PCDHGA3: variants seen among roughly 807,000 people sequenced by gnomAD.
PCDHGA3 encodes the protein protocadherin gamma-A3.
Under a neutral mutation model 58.5 loss-of-function variants are expected in PCDHGA3, and 40 were observed. That is an observed-to-expected ratio of 0.68 (90% CI 0.53 to 0.89). PCDHGA3 has a LOEUF of 0.89. PCDHGA3 is among the 40% of genes least tolerant of loss of function. The pLI is 0.00. For synonymous variants in PCDHGA3, 530 were observed against 525.7 expected, an observed-to-expected ratio of 1.01 and a Z score of -0.11; for missense variants, 1,223 against 1,195.9, an observed-to-expected ratio of 1.02 and a Z score of -0.33.
intron 1 of PCDHGA3, chr5:141,350,429 C>A: frequency 6.2e-7 from 1 of 1,609,800 alleles, no homozygotes; most frequent in Non-Finnish European, 8.5e-7. Context: ...GCTCAGTGTC[C>A]GGGAGTTGCC....
intron 1 of PCDHGA3, chr5:141,399,959 G>T (rs1257286209): frequency 6.2e-7 from 1 of 1,612,230 alleles, no homozygotes; most frequent in East Asian, 2.2e-5. Context: ...AGCGAGCCCG[G>T]GCTCTTCAGC....
intron 1 of PCDHGA3, chr5:141,415,947 C>G: frequency 1.9e-6 from 1 of 532,382 alleles, no homozygotes; most frequent in Non-Finnish European, 2.8e-6. Flanking sequence ...CCTGGGTGGT[C>G]ACATATTGAA....
At position 141,491,101 on chromosome 5, in the gene PCDHGA3, G is replaced by A. The variant is rs1270788252; in HGVS notation, c.2425-3706G>A. Reference sequence around the variant, plus strand: ...GTCCACAGCCCCAGGACTGTTCCTCGTGTCTACACACACTGGTGAGGTGCG... The same window carrying A: ...GTCCACAGCCCCAGGACTGTTCCTCATGTCTACACACACTGGTGAGGTGCG... On this transcript the variant is annotated intron_variant, in intron 1 of 3. Transcript: ENST00000253812. This position sits in a 1 kb window ranked among gnomAD's most constrained non-coding sequence, Gnocchi z 6.9. The A allele has an allele frequency of 8.1e-6, 13 of 1,614,102 alleles. No individual in the cohort carries two copies. In the East Asian group the frequency reaches 1.6e-4, roughly 19 times the overall value.
At chr5:141,346,623 C>T in intron 1 of PCDHGA3, 166 bp downstream of exon 1, 1 of 1,041,560 alleles carries the variant, frequency 9.6e-7, no homozygotes, top group East Asian at 2.6e-5. Context: ...GACTGCACTC[C>T]CCGGTCTGGT....
At chr5:141,387,304 T>C (rs1186076797) in intron 1 of PCDHGA3, among the ~76,000 whole-genome samples, 3 of 152,208 alleles carry the variant, frequency 2.0e-5, no homozygotes, top group Non-Finnish European at 4.4e-5. Context: ...ATCCAGTATA[T>C]TTCTAATGAG....
At chr5:141,503,089 G>C (rs1352372525) in intron 2 of PCDHGA3, among the ~76,000 whole-genome samples, 2 of 151,590 alleles carry the variant, frequency 1.3e-5, no homozygotes, top group Non-Finnish European at 2.9e-5. Context: ...TCCTGACCTC[G>C]TGGTCTGCCC....
At position 141,477,372 on chromosome 5, in the gene PCDHGA3, CTG is replaced by C; in HGVS notation, c.2425-17432_2425-17431del. On this transcript the variant is annotated intron_variant, in intron 1 of 3. Transcript: ENST00000253812. This position sits in a 1 kb window ranked among gnomAD's most constrained non-coding sequence, Gnocchi z 4.9. ...ACCAGTGCAGACCTGGATCGGGAGA[CTG>C]TGCCAGAATACAACCTCAGCATCAC... The C allele has an allele frequency of 6.2e-7, 1 of 1,614,154 alleles. No homozygotes were observed. The highest frequency in any genetic ancestry group is 8.5e-7 in the Non-Finnish European group (1 of 1,180,030).
chr5:141,491,500 G>A lies in PCDHGA3; in HGVS notation c.2425-3307G>A. ...CAGCCCCAACCTGCAGGTGAGCTCG[G>A]ACGGCACGCTCAAGTACATGGAGGT... On this transcript the variant is annotated intron_variant, in intron 1 of 3. Transcript: ENST00000253812. The surrounding 1 kb of genome is among the most constrained non-coding windows in gnomAD (Gnocchi z 6.9). 3 of 1,614,102 alleles carry A rather than the reference G, an allele frequency of 1.9e-6. No homozygotes were observed. The highest frequency in any genetic ancestry group is 2.7e-5 in the African/African-American group (2 of 75,066).
At chr5:141,412,441 G>C (rs1334085357) in intron 1 of PCDHGA3, 1 of 152,124 alleles carries the variant, frequency 6.6e-6, no homozygotes, top group African/African-American at 2.4e-5. Flanking sequence ...GTTAATTAAG[G>C]CTCAGTAAAA....
At chr5:141,368,499 G>C (rs1391228187) in intron 1 of PCDHGA3, among the ~76,000 whole-genome samples, 2 of 152,070 alleles carry the variant, frequency 1.3e-5, no homozygotes, top group African/African-American at 2.4e-5. Context: ...TATACAGTAG[G>C]TGTCGACATT....
In PCDHGA3 at chr5:141,431,937, A is replaced by T; in HGVS notation, c.2425-62870A>T. On this transcript the variant is annotated intron_variant, in intron 1 of 3. Coordinates refer to ENST00000253812, the MANE Select transcript of PCDHGA3 (RefSeq NM_018916.4). The surrounding 1 kb of genome is among the most constrained non-coding windows in gnomAD (Gnocchi z 4.8). ...TTCATCCAAGGAAATCTGCCCTTTAAATTAGAAAAATCTTACGGAAATTAC... is the reference window on the plus strand; with the variant it reads ...TTCATCCAAGGAAATCTGCCCTTTATATTAGAAAAATCTTACGGAAATTAC... The T allele has an allele frequency of 6.2e-7, 1 of 1,614,144 alleles. No individual in the cohort carries two copies. The highest frequency in any genetic ancestry group is 8.5e-7 in the Non-Finnish European group (1 of 1,180,014).
intron 1 of PCDHGA3, chr5:141,400,182 G>C (rs754765633): frequency 3.7e-6 from 6 of 1,614,072 alleles, no homozygotes; most frequent in Non-Finnish European, 5.1e-6. Flanking sequence ...CTGAGCTGCA[G>C]TTTTACCTAG....
intron 1 of PCDHGA3, among the ~76,000 whole-genome samples, chr5:141,425,820 C>T (rs978139996): frequency 6.6e-6 from 1 of 152,156 alleles, no homozygotes; most frequent in Admixed American, 6.5e-5. Flanking sequence ...TAGAAAAAAA[C>T]AAACTTTTAA....
At position 141,431,110 on chromosome 5, in the gene PCDHGA3, T is replaced by G; in HGVS notation, c.2425-63697T>G. 1.2e-6 allele frequency: 2 copies of G among 1,614,168 alleles called. No individual in the cohort carries two copies. The highest frequency in any genetic ancestry group is 1.7e-6 in the Non-Finnish European group (2 of 1,180,012). On this transcript the variant is annotated intron_variant, in intron 1 of 3. Transcript: ENST00000253812. This position sits in a 1 kb window ranked among gnomAD's most constrained non-coding sequence, Gnocchi z 4.8. Reference sequence around the variant, plus strand: ...TGATGGAGGATAAAGTGAAAATATATGGAGTAGAAGTAGAAGTAAGGGACA... The same window carrying G: ...TGATGGAGGATAAAGTGAAAATATAGGGAGTAGAAGTAGAAGTAAGGGACA...
chr5:141,508,800 C>A (rs973992018), intron 3 of PCDHGA3, among the ~76,000 whole-genome samples: 1 of 152,086 alleles, frequency 6.6e-6, no homozygotes, highest in African/African-American at 2.4e-5. Context: ...CTCTGGAATC[C>A]TGGCTCTTTG....
intron 1 of PCDHGA3, among the ~76,000 whole-genome samples, chr5:141,347,935 C>T (rs1758039809): frequency 6.6e-6 from 1 of 152,046 alleles, no homozygotes; most frequent in South Asian, 2.1e-4. Flanking sequence ...TTATTATGAG[C>T]CTTGGAGTGG....
At chr5:141,355,215 T>G in intron 1 of PCDHGA3, 1 of 1,603,504 alleles carries the variant, frequency 6.2e-7, no homozygotes, top group South Asian at 1.1e-5. Context: ...CGGCGCCTCC[T>G]GCTCGCCCAG....
At chr5:141,400,178 T>G in intron 1 of PCDHGA3, 1 of 1,614,074 alleles carries the variant, frequency 6.2e-7, no homozygotes, top group Non-Finnish European at 8.5e-7. Context: ...CAGGCTGAGC[T>G]GCAGTTTTAC....
chr5:141,346,375 G>C lies in PCDHGA3; in HGVS notation c.2342G>C (p.Ser781Thr). 1 of 1,614,250 alleles carries C rather than the reference G, an allele frequency of 6.2e-7. No individual in the cohort carries two copies. Among genetic ancestry groups the C allele is most frequent in the Non-Finnish European group, 8.5e-7 (1 of 1,180,050 alleles). Residue 781 changes from serine (S) to threonine (T), a missense_variant, in exon 1 of 4, where the codon AGC becomes ACC. Transcript: ENST00000253812. ...CCCAACTATGCGGACACGCTCATCA[G>C]CCAGGAGAGCTGTGAGAAAAGCGAG... ...PQPNYADTLI[S>T]QESCEKSEPL...
Sources: gnomAD v4.1 joint callset for allele counts (sites outside exome capture counted in the v4.1 genomes callset) on GRCh38, gnomAD v4.1.1 for gene constraint, Gnocchi (gnomAD v3.1) non-coding constraint, MANE v1.5 for transcripts, NCBI Gene and HGNC (gene_info 2026-07-23, HGNC 2026-07-21) for gene names.